Variants in CTNNA2 observed in about 807,000 individuals in gnomAD.
The protein encoded by CTNNA2 is catenin alpha 2.
In CTNNA2, 42 loss-of-function variants were observed where a neutral mutation model predicts 101.0. The observed-to-expected ratio is 0.42, with a 90% CI of 0.32 to 0.54. The LOEUF is 0.54. CTNNA2 is among the 20% of genes least tolerant of loss of function. The probability of loss-of-function intolerance (pLI) is 0.14; values close to 1 mark genes in which losing one functional copy is unlikely to be tolerated. For synonymous variants in CTNNA2, 450 were observed against 456.4 expected, an observed-to-expected ratio of 0.99 and a Z score of 0.18; for missense variants, 871 against 1,223.1, an observed-to-expected ratio of 0.71 and a Z score of 4.29.
intron 2 of CTNNA2, among the ~76,000 whole-genome samples, chr2:79,229,301 C>G (rs1674460533): frequency 6.6e-6 from 1 of 152,134 alleles, no homozygotes; most frequent in Non-Finnish European, 1.5e-5. Flanking sequence ...TCCCAGAATT[C>G]CCACATGTTG....
chr2:80,500,618 A>G (rs1687806690), intron 9 of CTNNA2, among the ~76,000 whole-genome samples: 1 of 152,160 alleles, frequency 6.6e-6, no homozygotes, highest in Admixed American at 6.5e-5. Flanking sequence ...AGCGGAATAC[A>G]TTCAAACTTT....
At chr2:80,446,512 G>T (rs1027135611) in intron 9 of CTNNA2, among the ~76,000 whole-genome samples, 1 of 152,020 alleles carries the variant, frequency 6.6e-6, no homozygotes, top group Non-Finnish European at 1.5e-5. Flanking sequence ...ACAAAACATC[G>T]CATGAATTCC....
chr2:79,306,058 A>C (rs1050874828), intron 2 of CTNNA2, among the ~76,000 whole-genome samples: 14 of 152,030 alleles, frequency 9.2e-5, no homozygotes, highest in African/African-American at 3.4e-4. Context: ...AAAAAAAAAA[A>C]AAAAGGCAAT....
At chr2:79,225,251 A>G (rs1236588248) in intron 2 of CTNNA2, among the ~76,000 whole-genome samples, 1 of 152,188 alleles carries the variant, frequency 6.6e-6, no homozygotes, top group Non-Finnish European at 1.5e-5. Flanking sequence ...AGTCGCACTG[A>G]CAATATGTTC....
At chr2:80,542,353 G>T (rs753865498) in intron 9 of CTNNA2, among the ~76,000 whole-genome samples, 1 of 151,984 alleles carries the variant, frequency 6.6e-6, no homozygotes, top group African/African-American at 2.4e-5. Context: ...ATGATTGCAT[G>T]TATGTACTTT....
Position 80,105,571 on chromosome 2 carries a change from A to G in CTNNA2, c.1056+195774A>G, listed in dbSNP as rs115504122. 2.7e-3 allele frequency among the ~76,000 whole-genome samples: 418 copies of G among 152,136 alleles called. 1 individual carries two copies. The highest frequency in any genetic ancestry group is 9.7e-3 in the African/African-American group (401 of 41,522). On this transcript the variant is annotated intron_variant, in intron 7 of 18. Coordinates refer to ENST00000402739, the MANE Select transcript of CTNNA2 (RefSeq NM_001282597.3). ...AGACCCCATCTCTACAAAGAATAAC[A>G]ACAACAGCAACAAAAATAGCCAGGC...
rs547576641 is a variant in CTNNA2, at chr2:79,218,714, C to G, written c.-406+20638C>G. Among the ~76,000 whole-genome samples the G allele has an allele frequency of 2.6e-5, 4 of 152,256 alleles. No homozygotes were observed. In the South Asian group the frequency reaches 8.3e-4, roughly 32 times the overall value. Reference sequence around the variant, plus strand: ...CAGGCCTGAGCAACATGGTACAAATCACGGATCTTGGAAACTGCGTTGGTG... The same window carrying G: ...CAGGCCTGAGCAACATGGTACAAATGACGGATCTTGGAAACTGCGTTGGTG... On this transcript the variant is annotated intron_variant, in intron 2 of 21. Coordinates refer to the CTNNA2 transcript ENST00000466387.
At chr2:80,057,320 A>G (rs1274993793) in intron 7 of CTNNA2, among the ~76,000 whole-genome samples, 2 of 152,212 alleles carry the variant, frequency 1.3e-5, no homozygotes, top group African/African-American at 4.8e-5. Flanking sequence ...TAATGAAATC[A>G]CTTGTTGTTC....
At chr2:80,244,906 A>G (rs1037796052) in intron 7 of CTNNA2, among the ~76,000 whole-genome samples, 2 of 152,176 alleles carry the variant, frequency 1.3e-5, no homozygotes, top group Non-Finnish European at 2.9e-5. Flanking sequence ...TGGAAAATCT[A>G]GCAGACCTAC....
At chr2:79,267,691 G>A (rs917211250) in intron 2 of CTNNA2, among the ~76,000 whole-genome samples, 3 of 152,136 alleles carry the variant, frequency 2.0e-5, no homozygotes, top group African/African-American at 7.2e-5. Context: ...GGGACCTCGA[G>A]AAAATAGCTG....
chr2:80,416,198 T>C (rs1212288859), intron 8 of CTNNA2, among the ~76,000 whole-genome samples: 1 of 152,054 alleles, frequency 6.6e-6, no homozygotes, highest in African/African-American at 2.4e-5. Flanking sequence ...AGAGTAGATC[T>C]TAAGTGTTCT....
intron 2 of CTNNA2, among the ~76,000 whole-genome samples, chr2:79,282,870 A>T (rs1477089256): frequency 1.0e-5 from 1 of 97,512 alleles, no homozygotes; most frequent in Non-Finnish European, 2.4e-5. Context: ...TTACAGGCCC[A>T]CCAACAGTGT....
intron 2 of CTNNA2, among the ~76,000 whole-genome samples, chr2:79,255,198 G>A (rs1674828171): frequency 6.6e-6 from 1 of 152,122 alleles, no homozygotes. Flanking sequence ...TTTACTGCAG[G>A]ATCCCAGTTA....
chr2:79,946,867 C>T (rs1688529729), intron 7 of CTNNA2, among the ~76,000 whole-genome samples: 1 of 152,094 alleles, frequency 6.6e-6, no homozygotes, highest in African/African-American at 2.4e-5. Flanking sequence ...TGCAAAAGCA[C>T]CAAAAACTGT....
chr2:79,682,035 A>G (rs988140725), intron 2 of CTNNA2, among the ~76,000 whole-genome samples: 2 of 152,168 alleles, frequency 1.3e-5, no homozygotes, highest in Non-Finnish European at 2.9e-5. Flanking sequence ...CTCTGGATTA[A>G]TATCTACTTT....
At position 79,929,273 on chromosome 2, in the gene CTNNA2, T is replaced by C. The variant is rs1687228646; in HGVS notation, c.1056+19476T>C. 2.6e-5 allele frequency among the ~76,000 whole-genome samples: 4 copies of C among 152,088 alleles called. No individual in the cohort carries two copies. In the South Asian group the frequency reaches 8.3e-4, roughly 32 times the overall value. On this transcript the variant is annotated intron_variant, in intron 7 of 18. Transcript: ENST00000402739. ...TAACCAGACAGGTAGGTACTCAAAATTGCAAGATTCAAGGAATCAGAGATG... is the reference window on the plus strand; with the variant it reads ...TAACCAGACAGGTAGGTACTCAAAACTGCAAGATTCAAGGAATCAGAGATG...
intron 3 of CTNNA2, among the ~76,000 whole-genome samples, chr2:79,359,552 AGAAGGCTCATGCTGAATAGG>A (rs1420859366): frequency 6.6e-6 from 1 of 152,194 alleles, no homozygotes; most frequent in African/African-American, 2.4e-5. Context: ...GTTAATAGCA[AGAAGGCTCATGCTGAATAGG>A]AGGAAAACCC....
intron 3 of CTNNA2, among the ~76,000 whole-genome samples, chr2:79,356,078 A>T (rs1677502607): frequency 6.6e-6 from 1 of 151,422 alleles, no homozygotes; most frequent in Non-Finnish European, 1.5e-5. Context: ...ATAAATATAA[A>T]TATGGAAATA....
At chr2:79,523,428 A>G (rs2103886708) in intron 1 of CTNNA2, 1 of 190,744 alleles carries the variant, frequency 5.2e-6, no homozygotes, top group East Asian at 1.5e-4. Context: ...TCAAAAACAT[A>G]TACACCATTG....
Sources: gnomAD v4.1 joint callset for allele counts (sites outside exome capture counted in the v4.1 genomes callset) on GRCh38, gnomAD v4.1.1 for gene constraint, MANE v1.5 for transcripts, NCBI Gene and HGNC (gene_info 2026-07-23, HGNC 2026-07-21) for gene names.